Variants in FHIT observed in about 807,000 individuals in gnomAD.
FHIT encodes the protein bis(5'-adenosyl)-triphosphatase.
FHIT carries 19 observed loss-of-function variants against 17.9 expected under a neutral mutation model. The observed-to-expected ratio is 1.06, with a 90% CI of 0.74 to 1.56. The LOEUF is 1.56. FHIT is among the 40% of genes most tolerant of loss of function. FHIT has a pLI of 0.00. For missense variants in FHIT, 248 were observed against 189.2 expected, an observed-to-expected ratio of 1.31 and a Z score of -1.82; for synonymous variants, 81 against 69.7, an observed-to-expected ratio of 1.16 and a Z score of -0.81.
At chr3:60,119,781 G>T (rs187447493) in intron 5 of FHIT, among the ~76,000 whole-genome samples, 2 of 151,912 alleles carry the variant, frequency 1.3e-5, no homozygotes, top group Admixed American at 1.3e-4. Context: ...AACTTCAACC[G>T]TCCCTCCAGT....
chr3:60,328,351 G>C lies in FHIT; in HGVS notation c.103+208509C>G, dbSNP rs973691693. Reference sequence around the variant, plus strand: ...ACACCTGAGAATGGGTACTTTATAAGAAAAAGAGGTTTAATGGACTCACAC... The same window carrying C: ...ACACCTGAGAATGGGTACTTTATAACAAAAAGAGGTTTAATGGACTCACAC... On this transcript the variant is annotated intron_variant, in intron 5 of 9. Coordinates refer to ENST00000492590, the MANE Select transcript of FHIT (RefSeq NM_002012.4). Among the ~76,000 whole-genome samples the C allele has an allele frequency of 6.6e-5, 10 of 152,292 alleles. 1 individual carries two copies. Among genetic ancestry groups the C allele is most frequent in the Non-Finnish European group, 1.2e-4 (8 of 68,008 alleles).
At chr3:60,041,910 A>G (rs982977118) in intron 5 of FHIT, among the ~76,000 whole-genome samples, 1 of 152,344 alleles carries the variant, frequency 6.6e-6, no homozygotes, top group African/African-American at 2.4e-5. Flanking sequence ...TATCCCTTCT[A>G]ATTCTTATTC....
chr3:60,121,899 T>C (rs980521406), intron 5 of FHIT, among the ~76,000 whole-genome samples: 1 of 152,156 alleles, frequency 6.6e-6, no homozygotes, highest in Admixed American at 6.5e-5. Context: ...TTTCACAATG[T>C]TGTATCTACA....
At chr3:60,460,677 G>A (rs965991166) in intron 5 of FHIT, among the ~76,000 whole-genome samples, 4 of 152,118 alleles carry the variant, frequency 2.6e-5, no homozygotes, top group Non-Finnish European at 4.4e-5. Context: ...CCCAAAACAT[G>A]TATCACCCCA....
chr3:59,998,981 G>A (rs1430059088), intron 7 of FHIT, among the ~76,000 whole-genome samples: 1 of 152,016 alleles, frequency 6.6e-6, no homozygotes, highest in Non-Finnish European at 1.5e-5. Flanking sequence ...AATCTCTGAG[G>A]CCGGGCTCCA....
intron 5 of FHIT, among the ~76,000 whole-genome samples, chr3:60,287,934 G>GT (rs55779696): frequency 1 from 152,266 of 152,266 alleles, 76,133 homozygotes; most frequent in Non-Finnish European, 1. Flanking sequence ...CTAAAATTCA[G>GT]GGCTTCAAAC....
chr3:60,881,665 A>G (rs1280668611), intron 3 of FHIT, among the ~76,000 whole-genome samples: 2 of 152,176 alleles, frequency 1.3e-5, no homozygotes, highest in African/African-American at 4.8e-5. Context: ...ATGCTCCTGT[A>G]TAACCAAAGA....
intron 8 of FHIT, among the ~76,000 whole-genome samples, chr3:59,880,567 C>A (rs1703366903): frequency 6.6e-6 from 1 of 152,114 alleles, no homozygotes; most frequent in Non-Finnish European, 1.5e-5. Context: ...TACCTGTGTC[C>A]CACTGTGCAA....
intron 8 of FHIT, among the ~76,000 whole-genome samples, chr3:59,828,433 G>A (rs1337189060): frequency 3.3e-5 from 5 of 152,320 alleles, no homozygotes; most frequent in South Asian, 4.1e-4. Context: ...CATATTTGAT[G>A]TATCTCTTAG....
chr3:60,892,771 T>C (rs191389892), intron 3 of FHIT, among the ~76,000 whole-genome samples: 1 of 152,314 alleles, frequency 6.6e-6, no homozygotes, highest in Admixed American at 6.5e-5. Context: ...TATTTAGTCA[T>C]TAAAGTTATG....
chr3:60,728,878 C>G (rs2041971419), intron 4 of FHIT, among the ~76,000 whole-genome samples: 1 of 152,162 alleles, frequency 6.6e-6, no homozygotes, highest in African/African-American at 2.4e-5. Flanking sequence ...TTGTAGTTTT[C>G]CCCTTGCAAA....
At chr3:60,840,735 T>C (rs1226439381) in intron 3 of FHIT, among the ~76,000 whole-genome samples, 2 of 152,224 alleles carry the variant, frequency 1.3e-5, no homozygotes, top group African/African-American at 4.8e-5. Flanking sequence ...ACAAATTATA[T>C]CTGAATTATG....
intron 8 of FHIT, among the ~76,000 whole-genome samples, chr3:59,815,901 T>G (rs1700583671): frequency 6.6e-6 from 1 of 151,928 alleles, no homozygotes; most frequent in Non-Finnish European, 1.5e-5. Context: ...AAAAAAAAAT[T>G]TAAATCAGCT....
intron 7 of FHIT, among the ~76,000 whole-genome samples, chr3:59,936,817 G>T (rs777018242): frequency 2.0e-5 from 3 of 152,124 alleles, no homozygotes; most frequent in African/African-American, 7.2e-5. Context: ...CTAGCTGAGC[G>T]CAATACTACT....
At chr3:60,084,341 T>C (rs1703411409) in intron 5 of FHIT, among the ~76,000 whole-genome samples, 1 of 152,154 alleles carries the variant, frequency 6.6e-6, no homozygotes, top group Non-Finnish European at 1.5e-5. Flanking sequence ...CTTTTGTTAA[T>C]CCATTTCCCC....
intron 8 of FHIT, among the ~76,000 whole-genome samples, chr3:59,768,162 C>T (rs746093905): frequency 2.0e-5 from 3 of 152,220 alleles, no homozygotes; most frequent in African/African-American, 4.8e-5. Flanking sequence ...AACATCACAA[C>T]TGACAGAGCT....
chr3:61,180,572 G>A (rs1233057541), intron 2 of FHIT, among the ~76,000 whole-genome samples: 1 of 152,168 alleles, frequency 6.6e-6, no homozygotes, highest in African/African-American at 2.4e-5. Context: ...TTGTGTTTAG[G>A]AAGCACAGAC....
intron 7 of FHIT, among the ~76,000 whole-genome samples, chr3:59,996,336 C>T (rs13086424): frequency 0.48 from 72,876 of 151,852 alleles, 18,552 homozygotes; most frequent in Non-Finnish European, 0.57. Context: ...TTGTGACTTG[C>T]CTCAAGATTC....
In FHIT at chr3:60,419,280, G is replaced by A. The variant is rs1030917373; in HGVS notation, c.103+117580C>T. Among the ~76,000 whole-genome samples the A allele has an allele frequency of 6.6e-5, 10 of 152,310 alleles. 1 individual carries two copies. Among genetic ancestry groups the A allele is most frequent in the Admixed American group, 4.6e-4 (7 of 15,290 alleles). On this transcript the variant is annotated intron_variant, in intron 5 of 9. Transcript: ENST00000492590. ...AGCCGTATAGCACATGCCTTAGCAA[G>A]TGTCGTCAACACTCACCTCTCTATC...
Sources: gnomAD v4.1 joint callset for allele counts (sites outside exome capture counted in the v4.1 genomes callset) on GRCh38, gnomAD v4.1.1 for gene constraint, MANE v1.5 for transcripts, NCBI Gene and HGNC (gene_info 2026-07-23, HGNC 2026-07-21) for gene names.